TRPC6: variants seen among roughly 807,000 people sequenced by gnomAD.
TRPC6 encodes transient receptor potential cation channel subfamily C member 6.
A neutral mutation model predicts 90.7 loss-of-function variants in TRPC6; 55 were observed. That is an observed-to-expected ratio of 0.61 (90% CI 0.49 to 0.76). TRPC6 has a LOEUF of 0.76. Ranked by LOEUF, TRPC6 falls within the 30% of genes least tolerant of loss-of-function variation. TRPC6 has a pLI of 0.00. For missense variants in TRPC6, 989 were observed against 1,122.7 expected (o/e 0.88, Z 1.70); for synonymous variants, 393 against 393.0 (o/e 1.00, Z 0.00).
intron 1 of TRPC6, among the ~76,000 whole-genome samples, chr11:101,536,322 G>A (rs1861044103): frequency 6.6e-6 from 1 of 151,700 alleles, no homozygotes; most frequent in Non-Finnish European, 1.5e-5. Context: ...GGGAGGCGGA[G>A]GTTGCAGTGA....
At chr11:101,565,994 C>A (rs1370347096) in intron 1 of TRPC6, among the ~76,000 whole-genome samples, 1 of 152,176 alleles carries the variant, frequency 6.6e-6, no homozygotes, top group African/African-American at 2.4e-5. Context: ...ATGCACAGCA[C>A]TCTTTCTTCA....
At chr11:101,506,826 C>G (rs889027401) in intron 1 of TRPC6, among the ~76,000 whole-genome samples, 13 of 151,858 alleles carry the variant, frequency 8.6e-5, no homozygotes, top group African/African-American at 2.9e-4. Context: ...TTAGTTTATT[C>G]TATGTCTTGA....
intron 1 of TRPC6, among the ~76,000 whole-genome samples, chr11:101,509,537 C>G (rs983082222): frequency 2.6e-5 from 4 of 152,144 alleles, no homozygotes; most frequent in Non-Finnish European, 5.9e-5. Context: ...TGAGTTGTGA[C>G]ATCTTTTATT....
At chr11:101,574,109 C>T (rs1162407973) in intron 1 of TRPC6, among the ~76,000 whole-genome samples, 1 of 150,854 alleles carries the variant, frequency 6.6e-6, no homozygotes, top group Non-Finnish European at 1.5e-5. Context: ...AGCTTTTGGT[C>T]TATTATGGAT....
intron 2 of TRPC6, among the ~76,000 whole-genome samples, chr11:101,503,095 G>T (rs1285350503): frequency 1.3e-5 from 2 of 152,134 alleles, no homozygotes; most frequent in African/African-American, 4.8e-5. Flanking sequence ...ATGGTAAAAG[G>T]TGATGGGCAT....
In TRPC6 at chr11:101,554,448, C is replaced by T. The variant is rs933804165; in HGVS notation, c.170+28886G>A. Among the ~76,000 whole-genome samples, 5 of 151,768 alleles carry T rather than the reference C, an allele frequency of 3.3e-5. No individual in the cohort carries two copies. In the East Asian group the frequency reaches 9.7e-4, roughly 29 times the overall value. On this transcript the variant is annotated intron_variant, in intron 1 of 12. Transcript: ENST00000344327. ...AACCTGTTAAGAGAATAAACAGTGG[C>T]CTGATTATGTTGGAATCCTTAATGT...
rs538083364 is a variant in TRPC6 at position 101,459,798 on chromosome 11, C to G, written c.2485-4697G>C. On this transcript the variant is annotated intron_variant, in intron 10 of 12. Coordinates refer to ENST00000344327, the MANE Select transcript of TRPC6 (RefSeq NM_004621.6). ...ATAAGAGCCAATTACACTGACCTAT[C>G]TTTGCAAAAAATTTATTGAGATTTT... is the stretch of plus-strand genomic sequence containing the variant. Among the ~76,000 whole-genome samples the G allele has an allele frequency of 2.0e-5, 3 of 152,242 alleles. No homozygotes were observed. The South Asian group carries it at 6.2e-4, about 32-fold the overall frequency.
chr11:101,523,263 G>A (rs1000928365), intron 1 of TRPC6, among the ~76,000 whole-genome samples: 2 of 152,164 alleles, frequency 1.3e-5, no homozygotes, highest in Admixed American at 6.5e-5. Context: ...CCCAAAACAG[G>A]TCAGAGTGAA....
rs1862248864 is a variant in TRPC6 at position 101,583,418 on chromosome 11, T to C, written c.86A>G (p.Gln29Arg). ...CTCCGAGTCCATGAGCAGATAGTCCTGGCTCTCGTTGCGCCGCGCAGCGGC... is the reference window on the plus strand; with the variant it reads ...CTCCGAGTCCATGAGCAGATAGTCCCGGCTCTCGTTGCGCCGCGCAGCGGC... Reference protein sequence around the residue: ...AGAAARRNESQDYLLMDSELG... With the variant: ...AGAAARRNESRDYLLMDSELG... Residue 29 changes from glutamine to arginine, a missense_variant, in exon 1 of 13, where the codon CAG becomes CGG. Gln to Arg is a conservative substitution (Grantham distance 43). Around this residue, in one of 4 missense-constraint regions of TRPC6, gnomAD observed 194 missense variants for 136.5 expected, o/e 1.42. Transcript: ENST00000344327. The C allele has an allele frequency of 1.9e-6, 3 of 1,569,220 alleles. No individual in the cohort carries two copies. Among genetic ancestry groups the C allele is most frequent in the Non-Finnish European group, 2.6e-6 (3 of 1,157,162 alleles).
intron 5 of TRPC6, among the ~76,000 whole-genome samples, chr11:101,482,666 A>C (rs970271287): frequency 1.3e-5 from 2 of 152,332 alleles, no homozygotes; most frequent in East Asian, 3.9e-4. Context: ...TATGAATAGT[A>C]TAATAGCTTT....
At chr11:101,551,332 T>C (rs528917759) in intron 1 of TRPC6, among the ~76,000 whole-genome samples, 3 of 152,166 alleles carry the variant, frequency 2.0e-5, no homozygotes, top group South Asian at 2.1e-4. Flanking sequence ...TAAACAGTAT[T>C]GATGGCCAAT....
In TRPC6 at chr11:101,491,751, A is replaced by C. The variant is rs1313844096; in HGVS notation, c.946-13T>G. The C allele has an allele frequency of 6.2e-7, 1 of 1,613,162 alleles. No individual in the cohort carries two copies. Among genetic ancestry groups the C allele is most frequent in the Admixed American group, 1.7e-5 (1 of 60,018 alleles). On this transcript the variant is annotated splice_polypyrimidine_tract_variant and intron_variant, in intron 2 of 12. Coordinates refer to ENST00000344327, the MANE Select transcript of TRPC6 (RefSeq NM_004621.6). ...TTTTGTAGTCATTCTAGGAAAAACA[A>C]AGCAAAACAAAAGCAATAATGGAGA... is the stretch of plus-strand genomic sequence containing the variant.
At chr11:101,531,087 TAC>T (rs1236629159) in intron 1 of TRPC6, among the ~76,000 whole-genome samples, 6 of 152,174 alleles carry the variant, frequency 3.9e-5, no homozygotes, top group African/African-American at 1.4e-4. Flanking sequence ...GCTTAATGCA[TAC>T]ACACACATAC....
intron 1 of TRPC6, among the ~76,000 whole-genome samples, chr11:101,505,135 A>T (rs996808463): frequency 1.5e-4 from 23 of 152,322 alleles, no homozygotes; most frequent in African/African-American, 5.3e-4. Flanking sequence ...CCTCTTATCC[A>T]TATGCAGTCA....
chr11:101,535,528 C>A (rs1006146758), intron 1 of TRPC6, among the ~76,000 whole-genome samples: 22 of 151,978 alleles, frequency 1.4e-4, no homozygotes, highest in African/African-American at 5.1e-4. Context: ...TATTCTGAAC[C>A]TTTATGTTCA....
chr11:101,473,870 T>A, intron 6 of TRPC6, 97 bp from the exon 7 acceptor site: 4 of 1,569,460 alleles, frequency 2.5e-6, no homozygotes, highest in Non-Finnish European at 3.5e-6. Context: ...TATGTTAGAA[T>A]CCGGTTTTCG....
At chr11:101,460,164 T>C (rs1858973458) in intron 10 of TRPC6, among the ~76,000 whole-genome samples, 1 of 152,216 alleles carries the variant, frequency 6.6e-6, no homozygotes, top group African/African-American at 2.4e-5. Context: ...TATATCTTCA[T>C]ATTAATCCAT....
intron 10 of TRPC6, among the ~76,000 whole-genome samples, chr11:101,466,292 T>C (rs1859143739): frequency 1.3e-5 from 2 of 152,178 alleles, no homozygotes; most frequent in South Asian, 4.1e-4. Context: ...TTAAGTCTGC[T>C]GAAGCTGTGC....
intron 1 of TRPC6, among the ~76,000 whole-genome samples, chr11:101,574,949 C>A (rs1862040394): frequency 6.6e-6 from 1 of 152,018 alleles, no homozygotes; most frequent in African/African-American, 2.4e-5. Context: ...CAAGTCAGGA[C>A]AAAATGCTTT....
Sources: allele counts gnomAD v4.1 joint callset (sites outside exome capture counted in the v4.1 genomes callset), GRCh38; gene constraint gnomAD v4.1.1; regional missense constraint gnomAD v4.1.1; transcripts MANE v1.5; gene names NCBI Gene and HGNC (gene_info 2026-07-23, HGNC 2026-07-21).